The following PLAC9 variants were observed in gnomAD, a reference collection of about 807,000 sequenced individuals.
PLAC9 encodes the protein placenta associated 9.
In PLAC9, 12 loss-of-function variants were observed where a neutral mutation model predicts 11.5. The ratio of observed to expected loss-of-function variants is 1.05; its 90% CI spans 0.67 to 1.69. The LOEUF is 1.69. PLAC9 is among the 40% of genes most tolerant of loss of function. The pLI, the probability that PLAC9 is intolerant of heterozygous loss-of-function variation, is 0.00. For synonymous variants in PLAC9, 62 were observed against 58.1 expected (o/e 1.07, Z -0.31); for missense variants, 132 against 130.5 (o/e 1.01, Z -0.06).
chr10:80,134,032 T>A (rs1329259638), intron 1 of PLAC9, among the ~76,000 whole-genome samples: 1 of 151,928 alleles, frequency 6.6e-6, no homozygotes, highest in Non-Finnish European at 1.5e-5. Context: ...TTGTGCATAA[T>A]CTTTCAGATT....
intron 1 of PLAC9, among the ~76,000 whole-genome samples, chr10:80,133,553 G>C (rs1009040234): frequency 2.0e-5 from 3 of 152,232 alleles, no homozygotes; most frequent in Non-Finnish European, 1.5e-5. Flanking sequence ...CAGCCTCCCG[G>C]TTTCCAGGGA....
intron 1 of PLAC9, among the ~76,000 whole-genome samples, chr10:80,141,299 G>T (rs1363157980): frequency 6.6e-6 from 1 of 152,032 alleles, no homozygotes; most frequent in Non-Finnish European, 1.5e-5. Context: ...TGACTTTTCT[G>T]TTAAAATAAC....
Position 80,144,125 on chromosome 10 carries a change from CACCGCACTGG to C in PLAC9, c.163-92_163-83del, listed in dbSNP as rs1290272807. On this transcript the variant is annotated intron_variant, in intron 2 of 3. Coordinates refer to ENST00000372263, the MANE Select transcript of PLAC9 (RefSeq NM_001012973.3). The stretch of plus-strand genomic sequence containing the variant: ...CTTAGCGCCCAGTCCTTTCCCACTG[CACCGCACTGG>C]ACCGCCAGCTGCTCTCTTAGGACCT... The C allele has an allele frequency of 1.9e-6, 3 of 1,553,748 alleles. No individual in the cohort carries two copies. In the African/African-American group the frequency reaches 4.1e-5, roughly 21 times the overall value.
intron 2 of PLAC9, 149 bp from the exon 3 acceptor site, chr10:80,144,074 A>C: frequency 1.9e-6 from 2 of 1,045,780 alleles, no homozygotes; most frequent in Non-Finnish European, 2.9e-6. Context: ...GTAGGGGCAG[A>C]GCCTGAGTGA....
At chr10:80,132,356 G>T (rs1433152689), upstream of PLAC9, among the ~76,000 whole-genome samples, 4 of 152,172 alleles carry the variant, frequency 2.6e-5, no homozygotes, top group South Asian at 8.3e-4. Flanking sequence ...GTGATGCCGA[G>T]GAAGACACTT....
intron 1 of PLAC9, among the ~76,000 whole-genome samples, chr10:80,140,097 G>A (rs571566560): frequency 2.0e-5 from 3 of 151,802 alleles, no homozygotes; most frequent in Admixed American, 6.6e-5. Context: ...GTCTTCCTTC[G>A]AGATGTGGTC....
At chr10:80,135,137 A>G (rs1392463064) in intron 1 of PLAC9, among the ~76,000 whole-genome samples, 1 of 151,622 alleles carries the variant, frequency 6.6e-6, no homozygotes, top group African/African-American at 2.4e-5. Context: ...CTCCTGCCTC[A>G]GCCTCCCAAG....
At position 80,132,844 on chromosome 10, in the gene PLAC9, C is replaced by T. The variant is rs759274944; in HGVS notation, c.64+18C>T. The T allele has an allele frequency of 1.3e-5, 19 of 1,484,960 alleles. 1 individual carries two copies. In the South Asian group the frequency reaches 2.4e-4, roughly 19 times the overall value. 92.0% of individuals were successfully genotyped at this position (1,484,960 alleles called of 1,614,324 possible). ...TTTGGCCGGTGAGTGGGGCGCAGGG[C>T]GCGGCAGGGGACCTGGAGCCGGGGA... On this transcript the variant is annotated intron_variant, in intron 1 of 3. Transcript: ENST00000372263.
intron 1 of PLAC9, among the ~76,000 whole-genome samples, chr10:80,137,997 G>A (rs1228033812): frequency 2.6e-5 from 4 of 152,024 alleles, no homozygotes; most frequent in African/African-American, 4.8e-5. Context: ...CTCAGGATGT[G>A]GGGCCAGGAT....
At position 80,138,951 on chromosome 10, in the gene PLAC9, C is replaced by CT. The variant is rs773767546; in HGVS notation, c.65-3113dup. Among the ~76,000 whole-genome samples, 1,306 of 131,276 alleles carry CT rather than the reference C, an allele frequency of 9.9e-3. 29 individuals are homozygous for CT. The highest frequency in any genetic ancestry group is 0.029 in the African/African-American group (912 of 31,966). The allele number at this position is 131,276 out of a possible 152,430, so 86.1% of individuals were successfully genotyped here. ...CTCTAAAAGTTAAATTGCAATATTC[C>CT]TTTTTTTTTTTTTTTTTTGAGACGG... On this transcript the variant is annotated intron_variant, in intron 1 of 3. Transcript: ENST00000372263.
chr10:80,143,497 A>G (rs1043197094), intron 2 of PLAC9, among the ~76,000 whole-genome samples: 10 of 139,696 alleles, frequency 7.2e-5, no homozygotes, highest in African/African-American at 2.8e-4. Context: ...TCCCGGTTCA[A>G]GTGATTCTCT....
chr10:80,137,208 A>T (rs1310478547), intron 1 of PLAC9, among the ~76,000 whole-genome samples: 1 of 152,168 alleles, frequency 6.6e-6, no homozygotes, highest in East Asian at 1.9e-4. Flanking sequence ...CCATGTTGGG[A>T]GCGACCTCAG....
At chr10:80,139,052 C>T (rs564855314) in intron 1 of PLAC9, among the ~76,000 whole-genome samples, 4 of 149,650 alleles carry the variant, frequency 2.7e-5, no homozygotes, top group East Asian at 2.0e-4. Flanking sequence ...CCCGGGTTCA[C>T]GCCATTCTCC....
chr10:80,141,599 AAAAC>A lies in PLAC9; in HGVS notation c.65-469_65-466del, dbSNP rs3834751. Among the ~76,000 whole-genome samples the A allele has an allele frequency of 4.5e-4, 69 of 151,864 alleles. 1 individual carries two copies. Among genetic ancestry groups the A allele is most frequent in the African/African-American group, 6.5e-4 (27 of 41,344 alleles). On this transcript the variant is annotated intron_variant, in intron 1 of 3. Coordinates refer to ENST00000372263, the MANE Select transcript of PLAC9 (RefSeq NM_001012973.3). ...GGGCGACAGAGCGAGACTCCATCTCAAAACAAACAAACAAACACACAAAAAAACA... is the reference window on the plus strand; with the variant it reads ...GGGCGACAGAGCGAGACTCCATCTCAAAACAAACAAACACACAAAAAAACA...
chr10:80,138,613 T>A (rs546302842), intron 1 of PLAC9, among the ~76,000 whole-genome samples: 1 of 151,944 alleles, frequency 6.6e-6, no homozygotes, highest in South Asian at 2.1e-4. Flanking sequence ...GGGCAGGGGG[T>A]CCCCACCTTG....
At chr10:80,139,702 T>G (rs1268723004) in intron 1 of PLAC9, among the ~76,000 whole-genome samples, 1 of 152,194 alleles carries the variant, frequency 6.6e-6, no homozygotes, top group Non-Finnish European at 1.5e-5. Context: ...GGGGGGTCGT[T>G]GATTTCCGTG....
intron 1 of PLAC9, among the ~76,000 whole-genome samples, chr10:80,138,484 A>AG (rs1845003185): frequency 1.2e-4 from 19 of 152,346 alleles, no homozygotes; most frequent in Admixed American, 1.2e-3. Flanking sequence ...GATAATTTGG[A>AG]AAACAGATTG....
chr10:80,132,716 G>C, upstream of PLAC9: 8 of 1,417,190 alleles, frequency 5.6e-6, no homozygotes, highest in Admixed American at 1.4e-4. Flanking sequence ...GATCCGGGAA[G>C]GGCGGCTGCG....
In PLAC9 at chr10:80,143,389, ATT is replaced by A. The variant is rs560963413; in HGVS notation, c.163-809_163-808del. ...AAAAAGTTTAATTTTAAATACTTGA[ATT>A]TTTTTTTTTTTTTTTTTTTTTTTTG... On this transcript the variant is annotated intron_variant, in intron 2 of 3. Coordinates refer to ENST00000372263, the MANE Select transcript of PLAC9 (RefSeq NM_001012973.3). 5.6e-3 allele frequency among the ~76,000 whole-genome samples: 500 copies of A among 89,904 alleles called. 3 individuals carry two copies. The highest frequency in any genetic ancestry group is 0.024 in the African/African-American group (469 of 19,928). The allele number at this position is 89,904 out of a possible 152,430, so 59.0% of individuals were successfully genotyped here.
Sources: gnomAD v4.1 joint callset for allele counts (sites outside exome capture counted in the v4.1 genomes callset) on GRCh38, gnomAD v4.1.1 for gene constraint, MANE v1.5 for transcripts, NCBI Gene and HGNC (gene_info 2026-07-23, HGNC 2026-07-21) for gene names.